Variants in AFF2 observed in about 807,000 individuals in gnomAD.
AFF2 encodes the protein ALF transcription elongation factor 2.
Under a neutral mutation model 76.9 loss-of-function variants are expected in AFF2, and 14 were observed. That is an observed-to-expected ratio of 0.18 (90% CI 0.12 to 0.28). AFF2 has a LOEUF of 0.28. AFF2 is among the 10% of genes least tolerant of loss of function. The pLI, the probability that AFF2 is intolerant of heterozygous loss-of-function variation, is 1.00. For missense variants in AFF2, 868 were observed against 1,001.1 expected (o/e 0.87, Z 1.79); for synonymous variants, 398 against 366.7 (o/e 1.09, Z -0.98).
At chrX:148,534,600 T>G (rs2052762924) in intron 1 of AFF2, among the ~76,000 whole-genome samples, 1 of 112,015 alleles carries the variant, frequency 8.9e-6, no homozygotes, top group Non-Finnish European at 1.9e-5. Flanking sequence ...AATAACACTA[T>G]CCACCTCATA....
At chrX:148,507,084 C>A (rs2052428084) in intron 1 of AFF2, among the ~76,000 whole-genome samples, 1 of 112,338 alleles carries the variant, frequency 8.9e-6, no homozygotes, top group South Asian at 3.7e-4. Flanking sequence ...ATTGATGTTA[C>A]AGTCACATTC....
intron 3 of AFF2, among the ~76,000 whole-genome samples, chrX:148,752,826 T>C (rs2055517652): frequency 8.9e-6 from 1 of 112,169 alleles, no homozygotes; most frequent in East Asian, 2.8e-4. Flanking sequence ...TTAATTGTCT[T>C]CTTAAATGCA....
intron 3 of AFF2, among the ~76,000 whole-genome samples, chrX:148,720,567 T>C (rs2055079098): frequency 9.0e-6 from 1 of 111,577 alleles, no homozygotes; most frequent in African/African-American, 3.3e-5. Flanking sequence ...GCAACACATG[T>C]GCTATTCCTC....
At chrX:148,983,418 C>G (rs1443880669) in intron 19 of AFF2, among the ~76,000 whole-genome samples, 1 of 111,930 alleles carries the variant, frequency 8.9e-6, no homozygotes, top group Non-Finnish European at 1.9e-5. Flanking sequence ...GCAGAACTTT[C>G]CCTGCAGAGT....
chrX:148,591,906 C>A (rs1233162766), intron 1 of AFF2, among the ~76,000 whole-genome samples: 7 of 112,380 alleles, frequency 6.2e-5, no homozygotes, highest in African/African-American at 2.3e-4. Flanking sequence ...GAAAATGCAG[C>A]CCATTCACAA....
At chrX:148,804,792 C>T (rs1365869450) in intron 3 of AFF2, among the ~76,000 whole-genome samples, 1 of 111,969 alleles carries the variant, frequency 8.9e-6, no homozygotes, top group Non-Finnish European at 1.9e-5. Context: ...ATTAACTGTT[C>T]CCGTTTAATC....
intron 1 of AFF2, among the ~76,000 whole-genome samples, chrX:148,556,982 A>G (rs1250192169): frequency 1.8e-5 from 2 of 112,311 alleles, no homozygotes; most frequent in Non-Finnish European, 3.8e-5. Flanking sequence ...TGAAACAACC[A>G]GAAAGCAATT....
chrX:148,571,165 A>G (rs2053224941), intron 1 of AFF2, among the ~76,000 whole-genome samples: 1 of 112,013 alleles, frequency 8.9e-6, no homozygotes, highest in Non-Finnish European at 1.9e-5. Flanking sequence ...ATTAGCTCAA[A>G]AAACCCAACT....
chrX:148,654,469 A>G (rs1557256772), intron 2 of AFF2, among the ~76,000 whole-genome samples: 1 of 111,444 alleles, frequency 9.0e-6, no homozygotes. Context: ...AGAAAGAAAG[A>G]TAAGTTAGAA....
chrX:148,980,680 A>C (rs1213231367), intron 18 of AFF2, 58 bp from the exon 19 acceptor site: 1 of 978,664 alleles, frequency 1.0e-6, no homozygotes, highest in Non-Finnish European at 1.4e-6. Context: ...CTGTTTCTGA[A>C]TTAATAAAAC....
intron 15 of AFF2, among the ~76,000 whole-genome samples, chrX:148,969,273 G>A (rs1483807557): frequency 6.2e-5 from 7 of 112,857 alleles, no homozygotes; most frequent in African/African-American, 2.3e-4. Flanking sequence ...GGTAAAAATT[G>A]GTTTTGGAGA....
chrX:148,534,008 C>T (rs1287966856), intron 1 of AFF2, among the ~76,000 whole-genome samples: 1 of 112,004 alleles, frequency 8.9e-6, no homozygotes, highest in Non-Finnish European at 1.9e-5. Flanking sequence ...ATTCCCATTG[C>T]CACTTTTGCC....
rs192368760 is a variant in AFF2, at chrX:148,574,577, A to C, written c.47+73433A>C. On this transcript the variant is annotated intron_variant, in intron 1 of 20. Coordinates refer to ENST00000370460, the MANE Select transcript of AFF2 (RefSeq NM_002025.4). ...CAAATTGTTTATTCTTGTTTGGGTCAAATTGTTTAGGGAAGGGGTTGTGAC... is the reference window on the plus strand; with the variant it reads ...CAAATTGTTTATTCTTGTTTGGGTCCAATTGTTTAGGGAAGGGGTTGTGAC... 9.9e-5 allele frequency among the ~76,000 whole-genome samples: 11 copies of C among 111,232 alleles called. No homozygotes were observed. In the East Asian group the frequency reaches 2.9e-3, roughly 29 times the overall value.
intron 3 of AFF2, among the ~76,000 whole-genome samples, chrX:148,690,048 T>G (rs1267824896): frequency 8.9e-6 from 1 of 112,131 alleles, no homozygotes; most frequent in African/African-American, 3.2e-5. Context: ...AAGACTCAGG[T>G]ATTTTCAGCC....
rs1027494705 is a variant in AFF2 at position 148,721,261 on chromosome X, G to T, written c.1041+58493G>T. On this transcript the variant is annotated intron_variant, in intron 3 of 20. Transcript: ENST00000370460. ...TGACAAAAAATAGGTGTGGATAAAT[G>T]AAAACTTGAACCTGGCAGTGAAGAG... Among the ~76,000 whole-genome samples the T allele has an allele frequency of 3.6e-5, 4 of 112,095 alleles. No homozygotes were observed. In the Admixed American group the frequency reaches 3.8e-4, roughly 11 times the overall value.
At chrX:148,918,596 G>A (rs1217842593) in intron 9 of AFF2, among the ~76,000 whole-genome samples, 1 of 111,432 alleles carries the variant, frequency 9.0e-6, no homozygotes, top group Non-Finnish European at 1.9e-5. Context: ...ACACAAATTC[G>A]GAAATATACC....
intron 4 of AFF2, among the ~76,000 whole-genome samples, chrX:148,823,067 G>A (rs1181492230): frequency 2.7e-5 from 3 of 111,138 alleles, no homozygotes; most frequent in African/African-American, 9.8e-5. Flanking sequence ...GGAGCTCCCA[G>A]CACATCCTCA....
intron 7 of AFF2, among the ~76,000 whole-genome samples, chrX:148,874,869 G>A (rs989274024): frequency 1.8e-5 from 2 of 111,723 alleles, no homozygotes; most frequent in Admixed American, 9.5e-5. Flanking sequence ...TTCATTTGCC[G>A]CAAGTTGAAA....
rs868941248 is a variant in AFF2, at chrX:148,863,492, C to G, written c.1262+20059C>G. Among the ~76,000 whole-genome samples, 3 of 111,933 alleles carry G rather than the reference C, an allele frequency of 2.7e-5. No individual in the cohort carries two copies. In the East Asian group the frequency reaches 8.5e-4, roughly 32 times the overall value. On this transcript the variant is annotated intron_variant, in intron 7 of 20. Transcript: ENST00000370460. ...CAACTTTATTTAATGTTTGCAAAAT[C>G]TGGCTGATTGATTGCCTATTCACTG...
Sources: gnomAD v4.1 joint callset for allele counts (sites outside exome capture counted in the v4.1 genomes callset) on GRCh38, gnomAD v4.1.1 for gene constraint, MANE v1.5 for transcripts, NCBI Gene and HGNC (gene_info 2026-07-23, HGNC 2026-07-21) for gene names.